PDE6B: variants seen among roughly 807,000 people sequenced by gnomAD.
The protein encoded by PDE6B is rod cGMP-specific 3',5'-cyclic phosphodiesterase subunit beta.
A neutral mutation model predicts 109.0 loss-of-function variants in PDE6B; 106 were observed. The ratio of observed to expected loss-of-function variants is 0.97; its 90% CI spans 0.83 to 1.14. The LOEUF is 1.14. Ranked by LOEUF, PDE6B falls within the 50% of genes most tolerant of loss-of-function variation. The probability of loss-of-function intolerance (pLI) is 0.00; values close to 1 mark genes in which losing one functional copy is unlikely to be tolerated. For synonymous variants in PDE6B, 490 were observed against 471.3 expected, an observed-to-expected ratio of 1.04 and a Z score of -0.51; for missense variants, 1,193 against 1,155.6, an observed-to-expected ratio of 1.03 and a Z score of -0.47.
intron 11 of PDE6B, among the ~76,000 whole-genome samples, chr4:659,510 TGC>T (rs1230554478): frequency 6.6e-6 from 1 of 151,112 alleles, no homozygotes; most frequent in Non-Finnish European, 1.5e-5. Context: ...TACGTGTGTG[TGC>T]ATGTAGGTGT....
rs184427590 is a variant in PDE6B at position 629,380 on chromosome 4, C to T, written c.468+3286C>T. On this transcript the variant is annotated intron_variant, in intron 1 of 21. Transcript: ENST00000496514. ...ACGATCCTGGTGGGCTGGTGGGGCT[C>T]GGCCACGGCCACCAAGTGGCGGGGC... 2.4e-3 allele frequency among the ~76,000 whole-genome samples: 364 copies of T among 152,352 alleles called. 3 individuals are homozygous for T. The highest frequency in any genetic ancestry group is 8.5e-3 in the African/African-American group (352 of 41,588).
intron 1 of PDE6B, among the ~76,000 whole-genome samples, chr4:629,359 T>G (rs1734269892): frequency 6.6e-6 from 1 of 152,212 alleles, no homozygotes; most frequent in Admixed American, 6.5e-5. Context: ...GGATGGACGA[T>G]CCTGGTGGGC....
chr4:662,643 G>A lies in PDE6B; in HGVS notation c.1832+25G>A. On this transcript the variant is annotated intron_variant, in intron 14 of 21. Coordinates refer to ENST00000496514, the MANE Select transcript of PDE6B (RefSeq NM_000283.4). The surrounding 1 kb of genome is among the most constrained non-coding windows in gnomAD (Gnocchi z 4.3). Reference sequence around the variant, plus strand: ...AGTAGGCACCTCAGGGCGGGCATGTGAATTAGCCCTAAATCAACTCCACGC... The same window carrying A: ...AGTAGGCACCTCAGGGCGGGCATGTAAATTAGCCCTAAATCAACTCCACGC... 3 of 1,384,726 alleles carry A rather than the reference G, an allele frequency of 2.2e-6. No homozygotes were observed. The highest frequency in any genetic ancestry group is 4.6e-5 in the East Asian group (2 of 43,820). The allele number at this position is 1,384,726 out of a possible 1,614,324, so 85.8% of individuals were successfully genotyped here.
chr4:660,395 G>A, intron 11 of PDE6B, 72 bp from the exon 12 acceptor site: 2 of 1,476,866 alleles, frequency 1.4e-6, no homozygotes, highest in Non-Finnish European at 1.9e-6. Flanking sequence ...GGGATCTGGA[G>A]AGAAGAAAGG....
intron 3 of PDE6B, 172 bp from the exon 4 acceptor site, chr4:653,680 A>C (rs1170402539): frequency 1.3e-6 from 1 of 764,570 alleles, no homozygotes; most frequent in East Asian, 2.7e-5. Context: ...AGCTCAGATG[A>C]AACCTGGCCA....
chr4:656,033 C>T (rs767207149), intron 7 of PDE6B, 27 bp downstream of exon 7: 1 of 1,463,030 alleles, frequency 6.8e-7, no homozygotes, highest in South Asian at 1.1e-5. Flanking sequence ...CTGGAGTCCC[C>T]ACAGCCTTGC....
At position 663,585 on chromosome 4, in the gene PDE6B, G is replaced by A. The variant is rs577394805; in HGVS notation, c.1921-185G>A. The A allele has an allele frequency of 6.3e-4, 397 of 632,080 alleles. 5 individuals carry two copies. The South Asian group carries it at 6.4e-3, about 10-fold the overall frequency. The allele number at this position is 632,080 out of a possible 1,614,324, so 39.2% of individuals were successfully genotyped here. A position where few individuals can be genotyped will look rare whatever the true frequency, so the allele number is the denominator to read the frequency against. On this transcript the variant is annotated intron_variant, in intron 15 of 21. Transcript: ENST00000496514. This position sits in a 1 kb window ranked among gnomAD's most constrained non-coding sequence, Gnocchi z 4.0. ...TGCGTCCCAAGCCGACGATGGAGCC[G>A]CTGGTGGAGAGCTGGGCACCCTGAG...
Position 656,863 on chromosome 4 carries a change from C to A in PDE6B, c.1108-11C>A. On this transcript the variant is annotated splice_polypyrimidine_tract_variant and intron_variant, in intron 8 of 21. Transcript: ENST00000496514. ...CAGGGCGGAGCTCAGCTCTGGACAC[C>A]GCTCCCGCAGGAAGGGGCCCTGGAC... 1 of 1,612,330 alleles carries A rather than the reference C, an allele frequency of 6.2e-7. No homozygotes were observed. Among genetic ancestry groups the A allele is most frequent in the South Asian group, 1.1e-5 (1 of 91,070 alleles).
At position 666,620 on chromosome 4, in the gene PDE6B, T is replaced by G; in HGVS notation, c.2352+6T>G. 3.1e-6 allele frequency: 5 copies of G among 1,599,370 alleles called. No homozygotes were observed. The highest frequency in any genetic ancestry group is 2.7e-5 in the African/African-American group (2 of 74,628). On this transcript the variant is annotated splice_donor_region_variant and intron_variant, in intron 20 of 21. Coordinates refer to ENST00000496514, the MANE Select transcript of PDE6B (RefSeq NM_000283.4). The surrounding 1 kb of genome is among the most constrained non-coding windows in gnomAD (Gnocchi z 5.6). ...TGTGCACATTCGTGTACAAGGCGAG[T>G]GGTTCACGGGTGTTCCGAGCTGACT...
chr4:645,143 A>G lies in PDE6B; in HGVS notation c.712-8709A>G, dbSNP rs940988891. Among the ~76,000 whole-genome samples, 32 of 152,174 alleles carry G rather than the reference A, an allele frequency of 2.1e-4. 2 individuals are homozygous for G. Among genetic ancestry groups the G allele is most frequent in the African/African-American group, 7.7e-4 (32 of 41,412 alleles). ...AGTGTCTTTGGATTATTATTAGCAT[A>G]GCATATATTTCTTCATTCCTTACTT... On this transcript the variant is annotated intron_variant, in intron 3 of 21. Coordinates refer to ENST00000496514, the MANE Select transcript of PDE6B (RefSeq NM_000283.4).
intron 3 of PDE6B, among the ~76,000 whole-genome samples, chr4:645,004 A>G (rs982643842): frequency 3.3e-5 from 5 of 152,090 alleles, no homozygotes; most frequent in African/African-American, 1.2e-4. Context: ...GTGAACATGA[A>G]TGATTTTTAT....
At chr4:654,482 A>T (rs1317627173) in intron 5 of PDE6B, 55 of 567,222 alleles carry the variant, frequency 9.7e-5, no homozygotes, top group Middle Eastern at 4.9e-4. Flanking sequence ...TGTGTGTGTG[A>T]GAGTACGGGC....
In PDE6B at chr4:663,227, G is replaced by A; in HGVS notation, c.1920+40G>A. 1.8e-6 allele frequency: 2 copies of A among 1,142,580 alleles called. No homozygotes were observed. Among genetic ancestry groups the A allele is most frequent in the Non-Finnish European group, 2.7e-6 (2 of 749,584 alleles). 70.8% of individuals were successfully genotyped at this position (1,142,580 alleles called of 1,614,324 possible). ...CCTCGGTTTCTGCTGTGGGCGCTGG[G>A]GACGCAGCGTCCGCAGGACGGCAGG... is the stretch of plus-strand genomic sequence containing the variant. On this transcript the variant is annotated intron_variant, in intron 15 of 21. Transcript: ENST00000496514. The surrounding 1 kb of genome is among the most constrained non-coding windows in gnomAD (Gnocchi z 4.0).
chr4:628,013 C>G (rs559758770), intron 1 of PDE6B, among the ~76,000 whole-genome samples: 21 of 152,298 alleles, frequency 1.4e-4, no homozygotes, highest in Admixed American at 1.2e-3. Context: ...TGCCCCAGGA[C>G]TGACCTCCGA....
At chr4:634,571 A>C in intron 1 of PDE6B, 106 bp from the exon 2 acceptor site, 1 of 961,886 alleles carries the variant, frequency 1.0e-6, no homozygotes, top group Non-Finnish European at 1.7e-6. Flanking sequence ...GGCACCTCAC[A>C]CCTGGAGGGC....
In PDE6B at chr4:625,819, G is replaced by T. The variant is rs377415525; in HGVS notation, c.193G>T (p.Asp65Tyr). ...CACGGCGCTGCTGGAGCTGGTGCAGGATATGCAGGAGAGCATCAACATGGA... is the reference window on the plus strand; with the variant it reads ...CACGGCGCTGCTGGAGCTGGTGCAGTATATGCAGGAGAGCATCAACATGGA... The part of the protein sequence containing the change: ...ESTALLELVQ[D>Y]MQESINMERV... The change falls in exon 1 of 22, where the codon GAT (aspartate) becomes TAT (tyrosine). Residue 65 changes from aspartate to tyrosine, a missense_variant. Asp to Tyr is a radical substitution (Grantham distance 160, BLOSUM62 -3). Transcript: ENST00000496514. The surrounding 1 kb of genome is among the most constrained non-coding windows in gnomAD (Gnocchi z 5.0). 114 of 1,613,046 alleles carry T rather than the reference G, an allele frequency of 7.1e-5. No individual in the cohort carries two copies. The highest frequency in any genetic ancestry group is 8.9e-5 in the Non-Finnish European group (105 of 1,179,934).
intron 3 of PDE6B, among the ~76,000 whole-genome samples, chr4:639,292 A>C (rs559684424): frequency 6.6e-6 from 1 of 151,832 alleles, no homozygotes; most frequent in Non-Finnish European, 1.5e-5. Flanking sequence ...CTACAGGTGC[A>C]CCCCACCACA....
chr4:663,531 G>A lies in PDE6B; in HGVS notation c.1921-239G>A, dbSNP rs1361781941. On this transcript the variant is annotated intron_variant, in intron 15 of 21. Transcript: ENST00000496514. This position sits in a 1 kb window ranked among gnomAD's most constrained non-coding sequence, Gnocchi z 4.0. Reference sequence around the variant, plus strand: ...GGACACTCAGTGGACCCCTCCCTGCGCTCCCCGGTGGTGACCTCTGAGGCC... The same window carrying A: ...GGACACTCAGTGGACCCCTCCCTGCACTCCCCGGTGGTGACCTCTGAGGCC... Among the ~76,000 whole-genome samples, 1 of 152,158 alleles carries A rather than the reference G, an allele frequency of 6.6e-6. No homozygotes were observed. Among genetic ancestry groups the A allele is most frequent in the Admixed American group, 6.5e-5 (1 of 15,284 alleles).
chr4:626,245 C>T lies in PDE6B; in HGVS notation c.468+151C>T. On this transcript the variant is annotated intron_variant, in intron 1 of 21. Transcript: ENST00000496514. The surrounding 1 kb of genome is among the most constrained non-coding windows in gnomAD (Gnocchi z 4.6). ...TGTGCTGAGGAGCAAGTACCTAGAG[C>T]CCCCTCCCGGCACTGTGCCCTGGCC... 4.9e-6 allele frequency: 3 copies of T among 616,658 alleles called. No homozygotes were observed. The highest frequency in any genetic ancestry group is 8.6e-6 in the Non-Finnish European group (3 of 348,206). The allele number at this position is 616,658 out of a possible 1,614,324, so 38.2% of individuals were successfully genotyped here. A position where few individuals can be genotyped will look rare whatever the true frequency, so the allele number is the denominator to read the frequency against.
Sources: allele counts gnomAD v4.1 joint callset (sites outside exome capture counted in the v4.1 genomes callset), GRCh38; gene constraint gnomAD v4.1.1; non-coding constraint Gnocchi (gnomAD v3.1); transcripts MANE v1.5; gene names NCBI Gene and HGNC (gene_info 2026-07-23, HGNC 2026-07-21).